CSNK2A1: variants seen among roughly 807,000 people sequenced by gnomAD.
CSNK2A1 encodes the protein casein kinase 2 alpha 1, also known as casein kinase II subunit alpha.
CSNK2A1 carries 10 observed loss-of-function variants against 62.9 expected under a neutral mutation model. The observed-to-expected ratio is 0.16, with a 90% CI of 0.10 to 0.27. The LOEUF is 0.27. CSNK2A1 is among the 10% of genes least tolerant of loss of function. CSNK2A1 has a pLI of 1.00. For missense variants in CSNK2A1, 160 were observed against 492.0 expected (o/e 0.33, Z 6.38); for synonymous variants, 124 against 167.8 (o/e 0.74, Z 2.02).
At chr20:516,214 A>C (rs2122593498) in intron 2 of CSNK2A1, among the ~76,000 whole-genome samples, 1 of 152,332 alleles carries the variant, frequency 6.6e-6, no homozygotes, top group Non-Finnish European at 1.5e-5. Context: ...CTTAGTGCTT[A>C]CTGTTCTCAT....
At chr20:511,039 A>T (rs373435142) in intron 2 of CSNK2A1, among the ~76,000 whole-genome samples, 10 of 152,180 alleles carry the variant, frequency 6.6e-5, no homozygotes, top group African/African-American at 2.4e-4. Flanking sequence ...ACACTTTTTT[A>T]AATTGTGGTA....
chr20:530,157 T>C (rs1018113518), intron 1 of CSNK2A1, among the ~76,000 whole-genome samples: 2 of 152,190 alleles, frequency 1.3e-5, no homozygotes, highest in African/African-American at 4.8e-5. Flanking sequence ...TAACTCCCAA[T>C]AGCCTCTTCC....
Position 481,898 on chromosome 20 carries a change from A to G in CSNK2A1, c.*2063T>C, listed in dbSNP as rs935795409. On this transcript the variant is annotated 3_prime_UTR_variant, in exon 14 of 14. Coordinates refer to ENST00000217244, the MANE Select transcript of CSNK2A1 (RefSeq NM_177559.3). ...AATTCAACATGGTAACCCTCACAGCATTCTAGGGCATAAAAGGGTCAAGTA... is the reference window on the plus strand; with the variant it reads ...AATTCAACATGGTAACCCTCACAGCGTTCTAGGGCATAAAAGGGTCAAGTA... 1 of 152,194 alleles carries G rather than the reference A, an allele frequency of 6.6e-6. No individual in the cohort carries two copies. The highest frequency in any genetic ancestry group is 1.5e-5 in the Non-Finnish European group (1 of 68,034). 9.4% of individuals were successfully genotyped at this position (152,194 alleles called of 1,614,324 possible).
intron 2 of CSNK2A1, among the ~76,000 whole-genome samples, chr20:514,875 C>T (rs77801195): frequency 0.032 from 4,881 of 152,300 alleles, 133 homozygotes; most frequent in South Asian, 0.086. Context: ...TTCTTCCCTA[C>T]ATTCCTGATT....
At chr20:511,176 T>G (rs1454254888) in intron 2 of CSNK2A1, among the ~76,000 whole-genome samples, 1 of 151,886 alleles carries the variant, frequency 6.6e-6, no homozygotes, top group Non-Finnish European at 1.5e-5. Flanking sequence ...CCATCTCTAC[T>G]GAAAATACAA....
At chr20:485,264 A>G (rs1442147984) in intron 13 of CSNK2A1, among the ~76,000 whole-genome samples, 1 of 150,394 alleles carries the variant, frequency 6.6e-6, no homozygotes, top group Non-Finnish European at 1.5e-5. Flanking sequence ...GCTCACTGCA[A>G]CCTCTGCCTC....
Position 508,752 on chromosome 20 carries a change from T to C in CSNK2A1, c.-109-92A>G, listed in dbSNP as rs1383574707. 5 of 521,844 alleles carry C rather than the reference T, an allele frequency of 9.6e-6. No individual in the cohort carries two copies. In the South Asian group the frequency reaches 1.1e-4, roughly 11 times the overall value. The allele number at this position is 521,844 out of a possible 1,614,324, so 32.3% of individuals were successfully genotyped here. A position where few individuals can be genotyped will look rare whatever the true frequency, so the allele number is the denominator to read the frequency against. On this transcript the variant is annotated intron_variant, in intron 2 of 13. Transcript: ENST00000217244. Reference sequence around the variant, plus strand: ...TTACAAATAATAATGGCCTGAAATATACCTCTGGCTCTCCTACCTACAGCC... The same window carrying C: ...TTACAAATAATAATGGCCTGAAATACACCTCTGGCTCTCCTACCTACAGCC...
In CSNK2A1 at chr20:529,929, G is replaced by A. The variant is rs565424371; in HGVS notation, c.-226-1880C>T. Among the ~76,000 whole-genome samples, 250 of 152,244 alleles carry A rather than the reference G, an allele frequency of 1.6e-3. 1 individual carries two copies. Among genetic ancestry groups the A allele is most frequent in the Non-Finnish European group, 1.7e-3 (115 of 68,020 alleles). The stretch of plus-strand genomic sequence containing the variant: ...GAATATATTTCCCACAGATGGCTGG[G>A]AACAGGACTACTCTGTGTGTATATC... On this transcript the variant is annotated intron_variant, in intron 1 of 13. Coordinates refer to ENST00000217244, the MANE Select transcript of CSNK2A1 (RefSeq NM_177559.3).
At chr20:534,895 G>A (rs1421037276) in intron 1 of CSNK2A1, among the ~76,000 whole-genome samples, 8 of 150,776 alleles carry the variant, frequency 5.3e-5, no homozygotes, top group African/African-American at 2.4e-5. Flanking sequence ...AAAGCCAGGC[G>A]TGGCAGCGTG....
intron 2 of CSNK2A1, among the ~76,000 whole-genome samples, chr20:514,804 TATC>T (rs2018795704): frequency 6.6e-6 from 1 of 152,212 alleles, no homozygotes; most frequent in African/African-American, 2.4e-5. Flanking sequence ...TGCATATGTA[TATC>T]ACATGTAAGC....
Position 508,677 on chromosome 20 carries a change from C to G in CSNK2A1, c.-109-17G>C. 1.3e-6 allele frequency: 1 copy of G among 788,176 alleles called. No homozygotes were observed. The highest frequency in any genetic ancestry group is 1.8e-5 in the South Asian group (1 of 55,074). 48.8% of individuals were successfully genotyped at this position (788,176 alleles called of 1,614,324 possible). On this transcript the variant is annotated splice_polypyrimidine_tract_variant and intron_variant, in intron 2 of 13. Transcript: ENST00000217244. ...TTCTTCAAACTGCAGAAACAAAATGCACAAAGTCCAAGGAATCATTTACAG... is the reference window on the plus strand; with the variant it reads ...TTCTTCAAACTGCAGAAACAAAATGGACAAAGTCCAAGGAATCATTTACAG...
At chr20:531,674 G>GTTA (rs1158380401) in intron 1 of CSNK2A1, among the ~76,000 whole-genome samples, 2 of 152,038 alleles carry the variant, frequency 1.3e-5, no homozygotes, top group Non-Finnish European at 2.9e-5. Flanking sequence ...ATCTAAGAAG[G>GTTA]CTAACTTGGT....
chr20:485,066 C>A (rs1252674056), intron 13 of CSNK2A1, among the ~76,000 whole-genome samples: 2 of 22,024 alleles, frequency 9.1e-5, no homozygotes, highest in African/African-American at 2.0e-4. Flanking sequence ...ACCTTGTCTC[C>A]AAAAAAAAAA....
rs2122467152 is a variant in CSNK2A1 at position 475,700 on chromosome 20, T to C, written c.*8261A>G. 6.6e-6 allele frequency: 1 copy of C among 152,344 alleles called. No individual in the cohort carries two copies. Among genetic ancestry groups the C allele is most frequent in the South Asian group, 2.1e-4 (1 of 4,820 alleles). The allele number at this position is 152,344 out of a possible 1,614,324, so 9.4% of individuals were successfully genotyped here. On this transcript the variant is annotated 3_prime_UTR_variant, in exon 14 of 14. Coordinates refer to ENST00000217244, the MANE Select transcript of CSNK2A1 (RefSeq NM_177559.3). ...CTTCCCTACTGCACTGATGTTGGGC[T>C]TGGCTATGTGATTTGCTTTCGCCAA...
intron 2 of CSNK2A1, among the ~76,000 whole-genome samples, chr20:525,412 G>A (rs1001672374): frequency 6.6e-6 from 1 of 152,036 alleles, no homozygotes; most frequent in Non-Finnish European, 1.5e-5. Flanking sequence ...CAGCACTGTG[G>A]GAGGCTGAGG....
At chr20:515,151 T>C (rs891418108) in intron 2 of CSNK2A1, among the ~76,000 whole-genome samples, 1 of 152,200 alleles carries the variant, frequency 6.6e-6, no homozygotes, top group Non-Finnish European at 1.5e-5. Flanking sequence ...AGAGAAATGA[T>C]GACCTAAGGT....
intron 2 of CSNK2A1, among the ~76,000 whole-genome samples, chr20:511,749 T>G (rs1016502995): frequency 1.3e-5 from 2 of 152,142 alleles, no homozygotes; most frequent in African/African-American, 4.8e-5. Flanking sequence ...TGCTTATCCA[T>G]TTATCTGCTG....
chr20:486,588 A>C, intron 12 of CSNK2A1, 126 bp from the exon 13 acceptor site: 2 of 963,430 alleles, frequency 2.1e-6, no homozygotes, highest in Non-Finnish European at 2.9e-6. Context: ...TCCCCAAAGA[A>C]CTTAAGGTGG....
chr20:519,694 G>A (rs942359888), intron 2 of CSNK2A1, among the ~76,000 whole-genome samples: 3 of 151,928 alleles, frequency 2.0e-5, no homozygotes, highest in African/African-American at 2.4e-5. Flanking sequence ...ATAAATAGCC[G>A]CCAAATTAAA....
Sources: allele counts gnomAD v4.1 joint callset (sites outside exome capture counted in the v4.1 genomes callset), GRCh38; gene constraint gnomAD v4.1.1; transcripts MANE v1.5; gene names NCBI Gene and HGNC (gene_info 2026-07-23, HGNC 2026-07-21).